Variants in VWCE observed in about 807,000 individuals in gnomAD.
The protein encoded by VWCE is von Willebrand factor C and EGF domain-containing protein.
Under a neutral mutation model 102.9 loss-of-function variants are expected in VWCE, and 68 were observed. That is an observed-to-expected ratio of 0.66 (90% CI 0.54 to 0.81). VWCE has a LOEUF of 0.81. Ranked by LOEUF, VWCE falls within the 30% of genes least tolerant of loss-of-function variation. The pLI is 0.00. For synonymous variants in VWCE, 497 were observed against 515.4 expected (o/e 0.96, Z 0.48); for missense variants, 1,137 against 1,263.6 (o/e 0.90, Z 1.52).
chr11:61,273,208 G>A lies in VWCE; in HGVS notation c.1690C>T (p.Pro564Ser), dbSNP rs776549663. The change falls in exon 13 of 20, where the codon CCC (proline) becomes TCC (serine). Residue 564 changes from proline (P) to serine (S), a missense_variant. By Grantham distance (74) the Pro-to-Ser change is moderately conservative (BLOSUM62 -1). This residue lies in a region of VWCE where 212 missense variants were observed against 235.1 expected (regional missense o/e 0.90). Coordinates refer to ENST00000335613, the MANE Select transcript of VWCE (RefSeq NM_152718.2). ...QCCFTCQEPTPSTGCSLDDNG... is the reference protein window; with the variant it reads ...QCCFTCQEPTSSTGCSLDDNG... Reference sequence around the variant, plus strand: ...CCCTGGACCAGCTCACCTGTCGAGGGTGTGGGCTCCTGGCAGGTGAAGCAA... The same window carrying A: ...CCCTGGACCAGCTCACCTGTCGAGGATGTGGGCTCCTGGCAGGTGAAGCAA... The A allele has an allele frequency of 3.7e-6, 6 of 1,614,016 alleles. No homozygotes were observed. Among genetic ancestry groups the A allele is most frequent in the Non-Finnish European group, 5.1e-6 (6 of 1,179,972 alleles).
In VWCE at chr11:61,258,836, T is replaced by A. The variant is rs151302206; in HGVS notation, c.2707A>T (p.Met903Leu). The change falls in exon 20 of 20, where the codon ATG becomes TTG. Residue 903 changes from methionine to leucine, a missense_variant. Coordinates refer to ENST00000335613, the MANE Select transcript of VWCE (RefSeq NM_152718.2). ...GTCTTCGAGGGGCTGGGGTCCATCA[T>A]GGAAAGTGCTGAAGCTTCCGTCAGG... Reference protein sequence around the residue: ...TLLTEASALSMMDPSPSKTPI... With the variant: ...TLLTEASALSLMDPSPSKTPI... 4.6e-6 allele frequency: 7 copies of A among 1,514,156 alleles called. No homozygotes were observed. Among genetic ancestry groups the A allele is most frequent in the Non-Finnish European group, 6.2e-6 (7 of 1,133,686 alleles). The allele number at this position is 1,514,156 out of a possible 1,614,324, so 93.8% of individuals were successfully genotyped here.
chr11:61,260,983 G>C (rs1854340083), intron 19 of VWCE, among the ~76,000 whole-genome samples: 1 of 152,162 alleles, frequency 6.6e-6, no homozygotes. Context: ...CCAGCATTTT[G>C]GGAGGCCATG....
chr11:61,267,396 T>C (rs1590618730), intron 16 of VWCE, 66 bp downstream of exon 16: 4 of 1,522,970 alleles, frequency 2.6e-6, no homozygotes, highest in Middle Eastern at 1.7e-4. Flanking sequence ...GCCTCTGGGA[T>C]TCAGGAGCCG....
At chr11:61,278,206 C>T (rs1225307132) in intron 10 of VWCE, among the ~76,000 whole-genome samples, 188 bp downstream of exon 10, 2 of 152,238 alleles carry the variant, frequency 1.3e-5, no homozygotes, top group Non-Finnish European at 2.9e-5. Flanking sequence ...CCTTACTCCA[C>T]CAACCTTCGT....
rs537918182 is a variant in VWCE, at chr11:61,268,870, C to T, written c.1882+52G>A. 4.0e-5 allele frequency: 63 copies of T among 1,590,218 alleles called. No homozygotes were observed. The East Asian group carries it at 4.9e-4, about 12-fold the overall frequency. ...AAGGCTGTATAGGGCTTAAGGAGCC[C>T]GATGCCTGAGATGCCCTGCCCTGGG... On this transcript the variant is annotated intron_variant, in intron 15 of 19. Coordinates refer to ENST00000335613, the MANE Select transcript of VWCE (RefSeq NM_152718.2).
At position 61,295,294 on chromosome 11, in the gene VWCE, G is replaced by A. The variant is rs572775186; in HGVS notation, c.-257C>T. ...CACACAAAGGCAACGCCGCCCGCCT[G>A]CTGATGCCTCTCCGAGAGGCGCGGA... On this transcript the variant is annotated 5_prime_UTR_variant, in exon 1 of 20. Coordinates refer to ENST00000335613, the MANE Select transcript of VWCE (RefSeq NM_152718.2). This position sits in a 1 kb window ranked among gnomAD's most constrained non-coding sequence, Gnocchi z 4.6. 88 of 335,098 alleles carry A rather than the reference G, an allele frequency of 2.6e-4. 1 individual carries two copies. The East Asian group carries it at 3.9e-3, about 15-fold the overall frequency. The allele number at this position is 335,098 out of a possible 1,614,324, so 20.8% of individuals were successfully genotyped here.
chr11:61,286,693 C>T (rs1163986983), intron 4 of VWCE, among the ~76,000 whole-genome samples: 3 of 151,970 alleles, frequency 2.0e-5, no homozygotes, highest in South Asian at 2.1e-4. Context: ...CCCAGCTACT[C>T]GGGAGGCTGA....
intron 4 of VWCE, among the ~76,000 whole-genome samples, chr11:61,289,113 C>T (rs990921144): frequency 2.6e-5 from 4 of 152,084 alleles, no homozygotes; most frequent in African/African-American, 7.2e-5. Flanking sequence ...ACTGAGATTA[C>T]AGCGGTGAGC....
intron 7 of VWCE, 148 bp downstream of exon 7, chr11:61,281,638 C>T (rs1855138669): frequency 1.8e-6 from 2 of 1,107,690 alleles, no homozygotes; most frequent in Non-Finnish European, 2.5e-6. Flanking sequence ...GTGGGCGGGG[C>T]CGGGGTAGGG....
chr11:61,271,924 A>G (rs1854719184), intron 13 of VWCE, among the ~76,000 whole-genome samples, 164 bp from the exon 14 acceptor site: 1 of 152,138 alleles, frequency 6.6e-6, no homozygotes, highest in South Asian at 2.1e-4. Context: ...ACACAGATAC[A>G]ATTCACACAG....
chr11:61,258,497 C>T lies in VWCE; in HGVS notation c.*178G>A, dbSNP rs564523178. On this transcript the variant is annotated 3_prime_UTR_variant, in exon 20 of 20. Coordinates refer to ENST00000335613, the MANE Select transcript of VWCE (RefSeq NM_152718.2). The stretch of plus-strand genomic sequence containing the variant: ...CTTCCTCCATTCTTACAGCACATTC[C>T]AAACACTTCTTGGGAACAAGGTTAC... 21 of 592,022 alleles carry T rather than the reference C, an allele frequency of 3.5e-5. No homozygotes were observed. Among genetic ancestry groups the T allele is most frequent in the African/African-American group, 5.7e-5 (3 of 52,174 alleles). 36.7% of individuals were successfully genotyped at this position (592,022 alleles called of 1,614,324 possible). A position where few individuals can be genotyped will look rare whatever the true frequency, so the allele number is the denominator to read the frequency against.
intron 15 of VWCE, 105 bp from the exon 16 acceptor site, chr11:61,267,649 A>C (rs1854554159): frequency 2.0e-6 from 2 of 1,015,182 alleles, no homozygotes; most frequent in Non-Finnish European, 3.0e-6. Context: ...AGGGGAGGCC[A>C]TGTGCCTCCC....
At position 61,258,513 on chromosome 11, in the gene VWCE, A is replaced by C; in HGVS notation, c.*162T>G. ...AGCACATTCCAAACACTTCTTGGGAACAAGGTTACATCCAGCCTTGGGGGT... is the reference window on the plus strand; with the variant it reads ...AGCACATTCCAAACACTTCTTGGGACCAAGGTTACATCCAGCCTTGGGGGT... On this transcript the variant is annotated 3_prime_UTR_variant, in exon 20 of 20. Transcript: ENST00000335613. 1.5e-6 allele frequency: 1 copy of C among 656,270 alleles called. No individual in the cohort carries two copies. 40.7% of individuals were successfully genotyped at this position (656,270 alleles called of 1,614,324 possible).
At position 61,258,368 on chromosome 11, in the gene VWCE, C is replaced by T. The variant is rs1854245627; in HGVS notation, c.*307G>A. The T allele has an allele frequency of 2.1e-5, 5 of 243,670 alleles. No individual in the cohort carries two copies. The Admixed American group carries it at 2.8e-4, about 14-fold the overall frequency. The allele number at this position is 243,670 out of a possible 1,614,324, so 15.1% of individuals were successfully genotyped here. A position where few individuals can be genotyped will look rare whatever the true frequency, so the allele number is the denominator to read the frequency against. On this transcript the variant is annotated 3_prime_UTR_variant, in exon 20 of 20. Transcript: ENST00000335613. Reference sequence around the variant, plus strand: ...CGGTACAGTCCCAGTGAGTGGAATCCCAGCCGGACGCAACTCTTCCTCCAG... The same window carrying T: ...CGGTACAGTCCCAGTGAGTGGAATCTCAGCCGGACGCAACTCTTCCTCCAG...
intron 10 of VWCE, 35 bp from the exon 11 acceptor site, chr11:61,276,715 G>C (rs759930934): frequency 1.3e-6 from 2 of 1,539,704 alleles, no homozygotes; most frequent in South Asian, 2.5e-5. Flanking sequence ...CTGGGGGTGC[G>C]GGTGTGGAAC....
In VWCE at chr11:61,278,535, A is replaced by C; in HGVS notation, c.1325-59T>G. The C allele has an allele frequency of 4.6e-6, 7 of 1,511,690 alleles. No individual in the cohort carries two copies. The South Asian group carries it at 7.9e-5, about 17-fold the overall frequency. The allele number at this position is 1,511,690 out of a possible 1,614,324, so 93.6% of individuals were successfully genotyped here. A position where few individuals can be genotyped will look rare whatever the true frequency, so the allele number is the denominator to read the frequency against. On this transcript the variant is annotated intron_variant, in intron 9 of 19. Transcript: ENST00000335613. ...ACCTCTTCAAAGAAGAGGAAACTTG[A>C]GGTCTCGCTGCTTCTCCATGCTTAA...
At chr11:61,275,030 GA>G (rs1209501124) in intron 11 of VWCE, among the ~76,000 whole-genome samples, 1 of 152,160 alleles carries the variant, frequency 6.6e-6, no homozygotes, top group Non-Finnish European at 1.5e-5. Flanking sequence ...ACTACAGCCT[GA>G]GCGACAGAGC....
At chr11:61,281,968 C>G in intron 6 of VWCE, 54 bp from the exon 7 acceptor site, 1 of 1,581,992 alleles carries the variant, frequency 6.3e-7, no homozygotes, top group South Asian at 1.2e-5. Flanking sequence ...CGGAGCCCTT[C>G]TTCCGCCCAT....
At chr11:61,262,454 T>C (rs548888413) in intron 19 of VWCE, among the ~76,000 whole-genome samples, 1 of 152,358 alleles carries the variant, frequency 6.6e-6, no homozygotes, top group South Asian at 2.1e-4. Flanking sequence ...CATGAACATT[T>C]AAATGAGGTA....
Sources: gnomAD v4.1 joint callset for allele counts (sites outside exome capture counted in the v4.1 genomes callset) on GRCh38, gnomAD v4.1.1 for gene constraint, gnomAD v4.1.1 regional missense constraint, Gnocchi (gnomAD v3.1) non-coding constraint, MANE v1.5 for transcripts, NCBI Gene and HGNC (gene_info 2026-07-23, HGNC 2026-07-21) for gene names.